TSPAN12: variants seen among roughly 807,000 people sequenced by gnomAD.
TSPAN12 encodes tetraspanin-12.
A neutral mutation model predicts 39.2 loss-of-function variants in TSPAN12; 19 were observed. That is an observed-to-expected ratio of 0.49 (90% CI 0.34 to 0.71). The LOEUF (loss-of-function observed/expected upper bound fraction) is 0.71, where lower values mean the gene tolerates loss of function less well. Ranked by LOEUF, TSPAN12 falls within the 30% of genes least tolerant of loss-of-function variation. The probability of loss-of-function intolerance (pLI) is 0.01; values close to 1 mark genes in which losing one functional copy is unlikely to be tolerated. For synonymous variants in TSPAN12, 119 were observed against 124.8 expected (o/e 0.95, Z 0.31); for missense variants, 314 against 359.9 (o/e 0.87, Z 1.03).
At chr7:120,809,511 CTGGACT>C (rs1371003310) in intron 6 of TSPAN12, among the ~76,000 whole-genome samples, 1 of 152,144 alleles carries the variant, frequency 6.6e-6, no homozygotes, top group Non-Finnish European at 1.5e-5. Flanking sequence ...GGAGATTGTC[CTGGACT>C]TGAACCTCTG....
rs974012728 is a variant in TSPAN12, at chr7:120,788,683, A to G, written c.827T>C (p.Val276Ala). 1 of 1,614,128 alleles carries G rather than the reference A, an allele frequency of 6.2e-7. No homozygotes were observed. Among genetic ancestry groups the G allele is most frequent in the Non-Finnish European group, 8.5e-7 (1 of 1,180,002 alleles). Residue 276 changes from valine to alanine, a missense_variant, in exon 8 of 8, where the codon GTA becomes GCA. By Grantham distance (64) the Val-to-Ala change is moderately conservative (BLOSUM62 0). Transcript: ENST00000222747. The stretch of plus-strand genomic sequence containing the variant: ...TGACAGGCTTGGTTTCAACAGTTCT[A>G]CTGAGGGACATGACAGGTGCTGAGA... Reference protein sequence around the residue: ...DNSQHLSCPSVELLKPSLSRI... With the variant: ...DNSQHLSCPSAELLKPSLSRI...
At chr7:120,819,306 T>C (rs1794144025) in intron 4 of TSPAN12, among the ~76,000 whole-genome samples, 1 of 152,130 alleles carries the variant, frequency 6.6e-6, no homozygotes, top group East Asian at 1.9e-4. Flanking sequence ...TAAATCGTAC[T>C]TGAATATTCT....
chr7:120,830,675 C>T (rs1394328036), intron 4 of TSPAN12, among the ~76,000 whole-genome samples: 2 of 151,924 alleles, frequency 1.3e-5, no homozygotes, highest in East Asian at 3.9e-4. Flanking sequence ...AATGTAAGAC[C>T]TGAAACTGTA....
intron 4 of TSPAN12, among the ~76,000 whole-genome samples, chr7:120,821,268 T>C (rs1438348047): frequency 1.3e-5 from 2 of 152,132 alleles, no homozygotes; most frequent in Non-Finnish European, 2.9e-5. Flanking sequence ...AGCATTCTGA[T>C]AATAGGATAC....
At chr7:120,800,098 T>C (rs988947275) in intron 7 of TSPAN12, among the ~76,000 whole-genome samples, 1 of 151,834 alleles carries the variant, frequency 6.6e-6, no homozygotes, top group Non-Finnish European at 1.5e-5. Context: ...AAAATAATAT[T>C]GGTTATAAAA....
chr7:120,853,604 G>A (rs2116510482), intron 2 of TSPAN12, among the ~76,000 whole-genome samples: 1 of 150,446 alleles, frequency 6.6e-6, no homozygotes, highest in South Asian at 2.1e-4. Flanking sequence ...GCCGGGCACA[G>A]TGGCTCACAC....
At position 120,808,727 on chromosome 7, in the gene TSPAN12, C is replaced by T. The variant is rs185647109; in HGVS notation, c.468+1736G>A. ...AGAGTCCGCTAAGTTGCGGTATGTGCATAGAATTGCACTGAATGAGGAGCA... is the reference window on the plus strand; with the variant it reads ...AGAGTCCGCTAAGTTGCGGTATGTGTATAGAATTGCACTGAATGAGGAGCA... On this transcript the variant is annotated intron_variant, in intron 6 of 7. Transcript: ENST00000222747. 8.5e-5 allele frequency among the ~76,000 whole-genome samples: 13 copies of T among 152,202 alleles called. No individual in the cohort carries two copies. In the East Asian group the frequency reaches 2.1e-3, roughly 25 times the overall value.
intron 7 of TSPAN12, among the ~76,000 whole-genome samples, chr7:120,806,175 C>A (rs969496046): frequency 2.6e-5 from 4 of 151,908 alleles, no homozygotes; most frequent in Non-Finnish European, 5.9e-5. Context: ...TATGTGGAGG[C>A]TCTTAAAATA....
At chr7:120,855,985 A>C (rs1047149562) in intron 2 of TSPAN12, among the ~76,000 whole-genome samples, 3 of 152,246 alleles carry the variant, frequency 2.0e-5, no homozygotes, top group African/African-American at 7.2e-5. Context: ...ATAAGTAATA[A>C]TACGATTATT....
intron 4 of TSPAN12, among the ~76,000 whole-genome samples, chr7:120,825,479 C>T (rs1794269265): frequency 6.6e-6 from 1 of 152,136 alleles, no homozygotes; most frequent in Non-Finnish European, 1.5e-5. Context: ...TGCCTTTTGA[C>T]TCCTATCTAC....
At chr7:120,790,177 T>C (rs1793494409) in intron 7 of TSPAN12, among the ~76,000 whole-genome samples, 2 of 152,266 alleles carry the variant, frequency 1.3e-5, no homozygotes, top group South Asian at 2.1e-4. Flanking sequence ...ACCTCACTCC[T>C]TGTGTGTTCG....
chr7:120,857,055 A>G, intron 1 of TSPAN12: 4 of 507,548 alleles, frequency 7.9e-6, no homozygotes, highest in Non-Finnish European at 1.4e-5. Flanking sequence ...GGAAAAGAAA[A>G]GAGCAACTAT....
At chr7:120,835,087 T>TA (rs1377655291) in intron 4 of TSPAN12, among the ~76,000 whole-genome samples, 1 of 152,202 alleles carries the variant, frequency 6.6e-6, no homozygotes, top group Non-Finnish European at 1.5e-5. Context: ...AAACACTTAT[T>TA]AAAGCAATGA....
Position 120,788,688 on chromosome 7 carries a change from G to A in TSPAN12, c.822C>T (p.Pro274=). 1.2e-6 allele frequency: 2 copies of A among 1,614,120 alleles called. No individual in the cohort carries two copies. Among genetic ancestry groups the A allele is most frequent in the South Asian group, 2.2e-5 (2 of 91,080 alleles). Residue 274 remains proline, a synonymous_variant, in exon 8 of 8, where the codon CCC becomes CCT. Transcript: ENST00000222747. The part of the protein sequence containing the change: ...KNDNSQHLSC[P]SVELLKPSLS... ...GGCTTGGTTTCAACAGTTCTACTGA[G>A]GGACATGACAGGTGCTGAGAGTTGT...
chr7:120,844,279 TATC>T (rs1424051402), intron 2 of TSPAN12, among the ~76,000 whole-genome samples: 3 of 152,060 alleles, frequency 2.0e-5, no homozygotes, highest in Admixed American at 2.0e-4. Flanking sequence ...ATCCAAACCA[TATC>T]ATTCAACCCC....
intron 4 of TSPAN12, among the ~76,000 whole-genome samples, chr7:120,817,689 G>A (rs1794110843): frequency 6.6e-6 from 1 of 152,122 alleles, no homozygotes. Context: ...TAATTTTACA[G>A]AGGCAAGCAG....
intron 7 of TSPAN12, among the ~76,000 whole-genome samples, chr7:120,800,520 G>A (rs1280194056): frequency 6.6e-6 from 1 of 151,954 alleles, no homozygotes; most frequent in Non-Finnish European, 1.5e-5. Flanking sequence ...CCTTCAGTAC[G>A]AATCTTGTTA....
chr7:120,850,972 G>A (rs758546399), intron 2 of TSPAN12, among the ~76,000 whole-genome samples: 1 of 152,176 alleles, frequency 6.6e-6, no homozygotes, highest in Non-Finnish European at 1.5e-5. Flanking sequence ...TTACAGGCAT[G>A]AGACACCGCG....
At position 120,853,799 on chromosome 7, in the gene TSPAN12, G is replaced by A. The variant is rs1364381509; in HGVS notation, c.66+2899C>T. 6.6e-5 allele frequency among the ~76,000 whole-genome samples: 10 copies of A among 150,644 alleles called. No individual in the cohort carries two copies. In the East Asian group the frequency reaches 9.7e-4, roughly 15 times the overall value. ...TGAGGCAGGAGAATCGCCTGAACCC[G>A]GGAGGTGGAGGTTGCAGTGAGCTGA... is the stretch of plus-strand genomic sequence containing the variant. On this transcript the variant is annotated intron_variant, in intron 2 of 7. Coordinates refer to ENST00000222747, the MANE Select transcript of TSPAN12 (RefSeq NM_012338.4).
Sources: allele counts gnomAD v4.1 joint callset (sites outside exome capture counted in the v4.1 genomes callset), GRCh38; gene constraint gnomAD v4.1.1; transcripts MANE v1.5; gene names NCBI Gene and HGNC (gene_info 2026-07-23, HGNC 2026-07-21).